Variants in RALYL observed in about 807,000 individuals in gnomAD.
The protein encoded by RALYL is RALY RNA binding protein like.
A neutral mutation model predicts 35.1 loss-of-function variants in RALYL; 29 were observed. The ratio of observed to expected loss-of-function variants is 0.83; its 90% CI spans 0.61 to 1.13. The LOEUF (loss-of-function observed/expected upper bound fraction) is 1.13. Among genes scored for constraint, RALYL ranks in the 50% most tolerant of loss-of-function variants. The probability of loss-of-function intolerance (pLI) is 0.00; values close to 1 mark genes in which losing one functional copy is unlikely to be tolerated. For missense variants in RALYL, 359 were observed against 360.4 expected (o/e 1.00, Z 0.03); for synonymous variants, 120 against 127.6 (o/e 0.94, Z 0.40).
rs1008977145 is a variant in RALYL, at chr8:84,315,846, G to T, written c.-24+131422G>T. Among the ~76,000 whole-genome samples, 9 of 150,240 alleles carry T rather than the reference G, an allele frequency of 6.0e-5. No homozygotes were observed. In the South Asian group the frequency reaches 8.4e-4, roughly 14 times the overall value. ...AAAAAAAAAAAACTTTCTGAATCAA[G>T]GACACAAATATTAAAATTGTATTGA... On this transcript the variant is annotated intron_variant, in intron 1 of 8. Coordinates refer to ENST00000521268, the MANE Select transcript of RALYL (RefSeq NM_173848.7).
chr8:84,303,124 A>C (rs1467657171), intron 1 of RALYL, among the ~76,000 whole-genome samples: 2 of 152,186 alleles, frequency 1.3e-5, no homozygotes, highest in African/African-American at 4.8e-5. Flanking sequence ...TCACTAGACT[A>C]TTTATTGTCT....
chr8:84,549,419 T>C (rs1183658031), intron 2 of RALYL, among the ~76,000 whole-genome samples: 1 of 152,150 alleles, frequency 6.6e-6, no homozygotes, highest in East Asian at 1.9e-4. Flanking sequence ...ATCTTTTTGA[T>C]GACATAGCTC....
chr8:84,863,264 G>A (rs1838485613), intron 6 of RALYL, among the ~76,000 whole-genome samples: 1 of 152,148 alleles, frequency 6.6e-6, no homozygotes, highest in South Asian at 2.1e-4. Flanking sequence ...AAGGAAGTGA[G>A]GAAAAGAGAA....
At chr8:84,569,801 A>G (rs1807477220) in intron 2 of RALYL, among the ~76,000 whole-genome samples, 2 of 151,888 alleles carry the variant, frequency 1.3e-5, no homozygotes, top group Non-Finnish European at 2.9e-5. Flanking sequence ...ATTTATTTGC[A>G]TATGGCTAGC....
chr8:84,510,484 G>A lies in RALYL; in HGVS notation c.-23-18815G>A, dbSNP rs183646713. On this transcript the variant is annotated intron_variant, in intron 1 of 8. Coordinates refer to ENST00000521268, the MANE Select transcript of RALYL (RefSeq NM_173848.7). Reference sequence around the variant, plus strand: ...TGCTTATGGCTTCCAAGAAATCCTCGGTAGCAATTTTTCACCATGCTCTGA... The same window carrying A: ...TGCTTATGGCTTCCAAGAAATCCTCAGTAGCAATTTTTCACCATGCTCTGA... 2.8e-3 allele frequency among the ~76,000 whole-genome samples: 430 copies of A among 152,020 alleles called. 1 individual carries two copies. The highest frequency in any genetic ancestry group is 9.9e-3 in the African/African-American group (412 of 41,466).
chr8:84,303,365 C>CA (rs1455294614), intron 1 of RALYL, among the ~76,000 whole-genome samples: 4 of 152,100 alleles, frequency 2.6e-5, no homozygotes, highest in Admixed American at 2.0e-4. Context: ...GTAAATACTA[C>CA]AAAAAACATT....
At chr8:84,786,124 T>A (rs1270199742) in intron 3 of RALYL, among the ~76,000 whole-genome samples, 1 of 152,244 alleles carries the variant, frequency 6.6e-6, no homozygotes, top group African/African-American at 2.4e-5. Context: ...GATAATGACT[T>A]CTAGCTCCAT....
At chr8:84,868,479 A>T (rs1839591838) in intron 6 of RALYL, among the ~76,000 whole-genome samples, 1 of 152,144 alleles carries the variant, frequency 6.6e-6, no homozygotes, top group Non-Finnish European at 1.5e-5. Context: ...AGGCTGAACA[A>T]CTATGCCCAG....
chr8:84,302,608 G>A (rs1263770179), intron 1 of RALYL, among the ~76,000 whole-genome samples: 1 of 152,150 alleles, frequency 6.6e-6, no homozygotes, highest in Non-Finnish European at 1.5e-5. Context: ...ATGGAATCTT[G>A]ATTTGATCCT....
intron 1 of RALYL, among the ~76,000 whole-genome samples, chr8:84,344,255 A>G (rs924511919): frequency 1.3e-5 from 2 of 152,064 alleles, no homozygotes; most frequent in African/African-American, 4.8e-5. Flanking sequence ...ATTGATCAAG[A>G]TTATTTTGTT....
chr8:84,384,263 G>T (rs529981787), intron 1 of RALYL, among the ~76,000 whole-genome samples: 274 of 151,812 alleles, frequency 1.8e-3, no homozygotes, highest in African/African-American at 6.4e-3. Flanking sequence ...CAGAAGAAAT[G>T]ATGGGTATGA....
At chr8:84,434,044 A>C (rs141541144) in intron 1 of RALYL, among the ~76,000 whole-genome samples, 1 of 152,052 alleles carries the variant, frequency 6.6e-6, no homozygotes, top group East Asian at 1.9e-4. Flanking sequence ...GGGTAACTTA[A>C]AACAACAAAA....
At position 84,309,632 on chromosome 8, in the gene RALYL, G is replaced by T. The variant is rs144339756; in HGVS notation, c.-24+125208G>T. On this transcript the variant is annotated intron_variant, in intron 1 of 8. Coordinates refer to ENST00000521268, the MANE Select transcript of RALYL (RefSeq NM_173848.7). ...AAAACTATCTTCTATTAGTAAAAAAGAAGTTAAACGAAATAAGCATATAAT... is the reference window on the plus strand; with the variant it reads ...AAAACTATCTTCTATTAGTAAAAAATAAGTTAAACGAAATAAGCATATAAT... Among the ~76,000 whole-genome samples the T allele has an allele frequency of 7.8e-3, 1,179 of 151,978 alleles. 19 individuals are homozygous for T. Among genetic ancestry groups the T allele is most frequent in the African/African-American group, 0.027 (1,133 of 41,436 alleles).
At position 84,680,465 on chromosome 8, in the gene RALYL, A is replaced by G. The variant is rs184370515; in HGVS notation, c.257-94114A>G. On this transcript the variant is annotated intron_variant, in intron 2 of 8. Transcript: ENST00000521268. ...GATTGAACTAGTTTACAGTCCCACA[A>G]CAGTTTAAAAGTGTTCCTATTTCTC... is the stretch of plus-strand genomic sequence containing the variant. 8.2e-3 allele frequency among the ~76,000 whole-genome samples: 1,242 copies of G among 152,272 alleles called. 14 individuals are homozygous for G. Among genetic ancestry groups the G allele is most frequent in the African/African-American group, 0.028 (1,156 of 41,544 alleles).
chr8:84,572,957 G>T (rs1337419751), intron 2 of RALYL, among the ~76,000 whole-genome samples: 3 of 150,824 alleles, frequency 2.0e-5, no homozygotes, highest in East Asian at 1.9e-4. Context: ...TTATGGTCGG[G>T]TTACAGTTTA....
intron 2 of RALYL, among the ~76,000 whole-genome samples, chr8:84,592,746 G>A (rs962441654): frequency 2.0e-5 from 3 of 151,988 alleles, no homozygotes; most frequent in African/African-American, 7.2e-5. Context: ...TAAGCACAAA[G>A]CATAAAAATG....
intron 6 of RALYL, chr8:84,872,473 C>T (rs1236882241): frequency 6.6e-6 from 1 of 152,130 alleles, no homozygotes; most frequent in Non-Finnish European, 1.5e-5. Flanking sequence ...ATTGTTCTTT[C>T]CTTAAGCCTT....
intron 1 of RALYL, among the ~76,000 whole-genome samples, chr8:84,187,064 T>G (rs957673461): frequency 1.3e-5 from 2 of 152,128 alleles, no homozygotes; most frequent in Non-Finnish European, 2.9e-5. Flanking sequence ...GTTTCTATTT[T>G]GTAATGAGAG....
At chr8:84,701,159 C>A (rs1246087785) in intron 2 of RALYL, among the ~76,000 whole-genome samples, 3 of 152,100 alleles carry the variant, frequency 2.0e-5, no homozygotes, top group African/African-American at 7.2e-5. Flanking sequence ...ACATCTAAAC[C>A]TGATAAACAT....
Sources: gnomAD v4.1 joint callset for allele counts (sites outside exome capture counted in the v4.1 genomes callset) on GRCh38, gnomAD v4.1.1 for gene constraint, MANE v1.5 for transcripts, NCBI Gene and HGNC (gene_info 2026-07-23, HGNC 2026-07-21) for gene names.